SENP2: variants seen among roughly 807,000 people sequenced by gnomAD.
The protein encoded by SENP2 is SUMO specific peptidase 2, also known as sentrin-specific protease 2.
SENP2 carries 16 observed loss-of-function variants against 86.3 expected under a neutral mutation model. The observed-to-expected ratio is 0.19, with a 90% CI of 0.13 to 0.28. The LOEUF (loss-of-function observed/expected upper bound fraction) is 0.28, where lower values mean the gene tolerates loss of function less well. Ranked by LOEUF, SENP2 falls within the 10% of genes least tolerant of loss-of-function variation. The pLI, the probability that SENP2 is intolerant of heterozygous loss-of-function variation, is 1.00. For synonymous variants in SENP2, 222 were observed against 238.7 expected (o/e 0.93, Z 0.64); for missense variants, 552 against 703.0 (o/e 0.79, Z 2.43).
At chr3:185,591,748 C>T (rs1577716687) in intron 2 of SENP2, among the ~76,000 whole-genome samples, 2 of 143,840 alleles carry the variant, frequency 1.4e-5, no homozygotes, top group Non-Finnish European at 1.5e-5. Flanking sequence ...TTTTTTTTTT[C>T]GAGACAGGGT....
intron 1 of SENP2, 48 bp from the exon 2 acceptor site, chr3:185,590,066 T>C: frequency 9.8e-7 from 1 of 1,024,926 alleles, no homozygotes; most frequent in Non-Finnish European, 1.4e-6. Flanking sequence ...CAGAAATGAA[T>C]GTGTGTGTAA....
intron 4 of SENP2, among the ~76,000 whole-genome samples, chr3:185,599,595 T>TG (rs1180999823): frequency 6.6e-6 from 1 of 151,970 alleles, no homozygotes; most frequent in African/African-American, 2.4e-5. Flanking sequence ...CTTGTAAAGT[T>TG]GGGGGGGAAG....
chr3:185,599,101 A>G (rs1012705167), intron 4 of SENP2, 77 bp downstream of exon 4: 4 of 1,011,690 alleles, frequency 4.0e-6, no homozygotes, highest in Non-Finnish European at 6.2e-6. Flanking sequence ...AAAATATGAA[A>G]GGAAAACACT....
chr3:185,631,917 A>T lies in SENP2; in HGVS notation c.*2073A>T, dbSNP rs1023432386. On this transcript the variant is annotated 3_prime_UTR_variant, in exon 17 of 17. Coordinates refer to ENST00000296257, the MANE Select transcript of SENP2 (RefSeq NM_021627.3). Reference sequence around the variant, plus strand: ...GCAGTTCTCACTGAGCTTTCCATTAACCTACACTCTTCCGGACGGCTCTTA... The same window carrying T: ...GCAGTTCTCACTGAGCTTTCCATTATCCTACACTCTTCCGGACGGCTCTTA... The T allele has an allele frequency of 6.6e-6, 1 of 151,352 alleles. No homozygotes were observed. Among genetic ancestry groups the T allele is most frequent in the Non-Finnish European group, 1.5e-5 (1 of 67,912 alleles). The allele number at this position is 151,352 out of a possible 1,614,324, so 9.4% of individuals were successfully genotyped here.
chr3:185,624,686 G>A (rs1258827469), intron 15 of SENP2, among the ~76,000 whole-genome samples: 1 of 151,922 alleles, frequency 6.6e-6, no homozygotes, highest in Non-Finnish European at 1.5e-5. Flanking sequence ...GACCAGCCTG[G>A]CCAACATGAC....
At position 185,604,817 on chromosome 3, in the gene SENP2, G is replaced by A. The variant is rs1345889798; in HGVS notation, c.450-1513G>A. Among the ~76,000 whole-genome samples the A allele has an allele frequency of 6.0e-5, 9 of 150,796 alleles. No individual in the cohort carries two copies. In the South Asian group the frequency reaches 8.4e-4, roughly 14 times the overall value. On this transcript the variant is annotated intron_variant, in intron 5 of 16. Transcript: ENST00000296257. ...GTCTCCCAGGCTGGAGTGCAGTGCCGCAATCTCGGCTCCCTGCAACCTCCG... is the reference window on the plus strand; with the variant it reads ...GTCTCCCAGGCTGGAGTGCAGTGCCACAATCTCGGCTCCCTGCAACCTCCG...
Position 185,601,747 on chromosome 3 carries a change from C to T in SENP2, c.449+892C>T, listed in dbSNP as rs555829352. ...CCGCCTCCTGGGTTCAAGCAATTTT[C>T]CCACCTCAGCCTCTTGAGTAGCTGG... On this transcript the variant is annotated intron_variant, in intron 5 of 16. Transcript: ENST00000296257. Among the ~76,000 whole-genome samples, 9 of 149,088 alleles carry T rather than the reference C, an allele frequency of 6.0e-5. No individual in the cohort carries two copies. The South Asian group carries it at 1.9e-3, about 32-fold the overall frequency.
chr3:185,588,688 G>T (rs945598839), intron 1 of SENP2, among the ~76,000 whole-genome samples: 3 of 152,108 alleles, frequency 2.0e-5, no homozygotes, highest in East Asian at 1.9e-4. Flanking sequence ...CTATCTTTCC[G>T]TTGGGTTGAT....
chr3:185,632,213 G>GTTTTTTTTTTTTTTTTTTTTTTTTTT lies in SENP2; in HGVS notation c.*2379_*2380insTTTTTTTTTTTTTTTTTTTTTTTTTT, dbSNP rs369236428. 8.0e-6 allele frequency: 1 copy of GTTTTTTTTTTTTTTTTTTTTTTTTTT among 125,326 alleles called. No individual in the cohort carries two copies. The highest frequency in any genetic ancestry group is 3.0e-5 in the African/African-American group (1 of 33,022). 7.8% of individuals were successfully genotyped at this position (125,326 alleles called of 1,614,324 possible). ...CAAATTATCACCATTAAAGCCAGTG[G>GTTTTTTTTTTTTTTTTTTTTTTTTTT]TTTTTTTTTTGTTTTTTTTTTTTGT... On this transcript the variant is annotated 3_prime_UTR_variant, in exon 17 of 17. Coordinates refer to ENST00000296257, the MANE Select transcript of SENP2 (RefSeq NM_021627.3).
intron 1 of SENP2, among the ~76,000 whole-genome samples, chr3:185,587,464 T>C (rs1721822990): frequency 6.6e-6 from 1 of 152,178 alleles, no homozygotes; most frequent in Non-Finnish European, 1.5e-5. Flanking sequence ...CATCTACTCT[T>C]TGGAGTGTCC....
At chr3:185,629,531 G>A (rs1394407693) in intron 16 of SENP2, among the ~76,000 whole-genome samples, 8 of 150,810 alleles carry the variant, frequency 5.3e-5, no homozygotes, top group Non-Finnish European at 7.4e-5. Flanking sequence ...TGAGCAGATC[G>A]CGCCACTGCA....
intron 13 of SENP2, among the ~76,000 whole-genome samples, chr3:185,620,149 A>G (rs1711791629): frequency 6.7e-6 from 1 of 149,390 alleles, no homozygotes; most frequent in Admixed American, 6.7e-5. Flanking sequence ...TGTAACCTCC[A>G]CCTCCTGGGC....
At chr3:185,612,386 TA>T in intron 8 of SENP2, 2 of 444,546 alleles carry the variant, frequency 4.5e-6, no homozygotes, top group South Asian at 8.5e-5. Flanking sequence ...GATAAGCAGA[TA>T]TCACTCAGTT....
In SENP2 at chr3:185,631,430, C is replaced by CGCCCTTCCACT. The variant is rs1712451771; in HGVS notation, c.*1586_*1587insGCCCTTCCACT. 2 of 43,294 alleles carry CGCCCTTCCACT rather than the reference C, an allele frequency of 4.6e-5. No individual in the cohort carries two copies. The highest frequency in any genetic ancestry group is 5.2e-4 in the Admixed American group (2 of 3,824). 2.7% of individuals were successfully genotyped at this position (43,294 alleles called of 1,614,324 possible). On this transcript the variant is annotated 3_prime_UTR_variant, in exon 17 of 17. Transcript: ENST00000296257. ...AGCAGGTTGTACCACACCTCTCCCC[C>CGCCCTTCCACT]CCCCCTCCCACTCCCCCTCCCTCCC...
chr3:185,618,347 A>G (rs1037030465), intron 12 of SENP2, among the ~76,000 whole-genome samples: 1 of 152,200 alleles, frequency 6.6e-6, no homozygotes, highest in Non-Finnish European at 1.5e-5. Context: ...GTCATCTTGT[A>G]TCCTTAATAC....
intron 3 of SENP2, 149 bp from the exon 4 acceptor site, chr3:185,598,809 A>C (rs1722255618): frequency 4.5e-6 from 3 of 669,186 alleles, no homozygotes; most frequent in Non-Finnish European, 7.6e-6. Flanking sequence ...TTTCTACATC[A>C]TTTTGTGAGT....
chr3:185,632,884 C>T lies in SENP2; in HGVS notation c.*3040C>T, dbSNP rs1712552227. 6.6e-6 allele frequency: 1 copy of T among 152,228 alleles called. No individual in the cohort carries two copies. Among genetic ancestry groups the T allele is most frequent in the Non-Finnish European group, 1.5e-5 (1 of 68,046 alleles). The allele number at this position is 152,228 out of a possible 1,614,324, so 9.4% of individuals were successfully genotyped here. A position where few individuals can be genotyped will look rare whatever the true frequency, so the allele number is the denominator to read the frequency against. On this transcript the variant is annotated 3_prime_UTR_variant, in exon 17 of 17. Transcript: ENST00000296257. ...AGAAAAGATGCAGTGAGCCATTATT[C>T]TCCTTTAGCAGGTAGTCTCTTAAAA...
chr3:185,615,567 C>A (rs1711567919), intron 11 of SENP2, among the ~76,000 whole-genome samples: 1 of 152,040 alleles, frequency 6.6e-6, no homozygotes, highest in Non-Finnish European at 1.5e-5. Flanking sequence ...TGGTCTCGAA[C>A]TCCTGACCTT....
chr3:185,615,225 G>A (rs540213644), intron 11 of SENP2, among the ~76,000 whole-genome samples: 1 of 152,270 alleles, frequency 6.6e-6, no homozygotes, highest in African/African-American at 2.4e-5. Context: ...CCTCCACAAT[G>A]TTGCCCTAGT....
Sources: allele counts gnomAD v4.1 joint callset (sites outside exome capture counted in the v4.1 genomes callset), GRCh38; gene constraint gnomAD v4.1.1; transcripts MANE v1.5; gene names NCBI Gene and HGNC (gene_info 2026-07-23, HGNC 2026-07-21).